The following SUSD4 variants were observed in gnomAD, a reference collection of about 807,000 sequenced individuals.
SUSD4 encodes sushi domain containing 4.
In SUSD4, 41 loss-of-function variants were observed where a neutral mutation model predicts 50.5. The ratio of observed to expected loss-of-function variants is 0.81; its 90% CI spans 0.63 to 1.05. The LOEUF (loss-of-function observed/expected upper bound fraction) is 1.05, where lower values mean the gene tolerates loss of function less well. Among genes scored for constraint, SUSD4 ranks in the 50% least tolerant of loss-of-function variants. SUSD4 has a pLI of 0.00. For synonymous variants in SUSD4, 257 were observed against 257.3 expected, an observed-to-expected ratio of 1.00 and a Z score of 0.01; for missense variants, 580 against 634.7, an observed-to-expected ratio of 0.91 and a Z score of 0.93.
Position 223,317,000 on chromosome 1 carries a change from G to A in SUSD4, c.149-24349C>T, listed in dbSNP as rs548826638. Reference sequence around the variant, plus strand: ...TCAACCAGAGGTTAGGCTGATGGAAGTGTCAGAGGTATGTGAACCAGAGCA... The same window carrying A: ...TCAACCAGAGGTTAGGCTGATGGAAATGTCAGAGGTATGTGAACCAGAGCA... On this transcript the variant is annotated intron_variant, in intron 2 of 8. Transcript: ENST00000366878. Among the ~76,000 whole-genome samples, 3 of 152,292 alleles carry A rather than the reference G, an allele frequency of 2.0e-5. No individual in the cohort carries two copies. The South Asian group carries it at 6.2e-4, about 32-fold the overall frequency.
intron 2 of SUSD4, among the ~76,000 whole-genome samples, chr1:223,339,650 A>G (rs1667645671): frequency 6.6e-6 from 1 of 152,224 alleles, no homozygotes; most frequent in African/African-American, 2.4e-5. Context: ...TTTTAATGGT[A>G]TGATTTCTGT....
chr1:223,249,186 A>T (rs931631539), intron 5 of SUSD4, among the ~76,000 whole-genome samples: 3 of 152,100 alleles, frequency 2.0e-5, no homozygotes, highest in Admixed American at 1.3e-4. Flanking sequence ...TACAGTCAGG[A>T]CTCCTAAAGG....
At chr1:223,297,037 A>G (rs1478071694) in intron 2 of SUSD4, among the ~76,000 whole-genome samples, 1 of 152,248 alleles carries the variant, frequency 6.6e-6, no homozygotes, top group Non-Finnish European at 1.5e-5. Flanking sequence ...AGTGTCCCCA[A>G]AGCAAGGAAA....
rs1659124717 is a variant in SUSD4, at chr1:223,221,283, G to A, written c.*909C>T. On this transcript the variant is annotated 3_prime_UTR_variant, in exon 9 of 9. Transcript: ENST00000366878. ...TTCAATTTGGGGCTGGGGGAACAAT[G>A]ACAATTGTCAACTAGAGAGAGGCTC... The A allele has an allele frequency of 5.1e-6, 2 of 395,396 alleles. No homozygotes were observed. The highest frequency in any genetic ancestry group is 4.1e-5 in the African/African-American group (2 of 48,590). The allele number at this position is 395,396 out of a possible 1,614,324, so 24.5% of individuals were successfully genotyped here.
At chr1:223,256,957 C>T (rs1003052395) in intron 5 of SUSD4, among the ~76,000 whole-genome samples, 7 of 152,106 alleles carry the variant, frequency 4.6e-5, no homozygotes, top group Non-Finnish European at 1.0e-4. Flanking sequence ...TATAGGCTGG[C>T]GCCACACTTG....
In SUSD4 at chr1:223,227,702, G is replaced by T; in HGVS notation, c.953C>A (p.Thr318Asn). 6.2e-7 allele frequency: 1 copy of T among 1,613,308 alleles called. No individual in the cohort carries two copies. Among genetic ancestry groups the T allele is most frequent in the South Asian group, 1.1e-5 (1 of 90,786 alleles). Residue 318 changes from threonine to asparagine, a missense_variant, in exon 7 of 9, where the codon ACC becomes AAC. By Grantham distance (65) the Thr-to-Asn change is moderately conservative. Transcript: ENST00000366878. This position sits in a 1 kb window ranked among gnomAD's most constrained non-coding sequence, Gnocchi z 4.5. ...CGTGAACGCCACAATCTTCCACGTG[G>T]TCAGGAGGGTCTCATGGGTGCTGGG... ...TWPSTHETLLTTWKIVAFTAT... is the reference protein window; with the variant it reads ...TWPSTHETLLNTWKIVAFTAT...
At chr1:223,304,356 A>C (rs1356305211) in intron 2 of SUSD4, among the ~76,000 whole-genome samples, 1 of 152,194 alleles carries the variant, frequency 6.6e-6, no homozygotes, top group African/African-American at 2.4e-5. Context: ...TATTTACAAT[A>C]ATCAGAAGCA....
intron 3 of SUSD4, chr1:223,289,062 G>T (rs1350832406): frequency 1.0e-6 from 1 of 982,176 alleles, no homozygotes; most frequent in Admixed American, 6.1e-5. Context: ...AACTGAGTTG[G>T]TTTTGGAAAG....
intron 8 of SUSD4, 101 bp from the exon 9 acceptor site, chr1:223,222,321 G>C: frequency 8.0e-7 from 1 of 1,252,930 alleles, no homozygotes; most frequent in Non-Finnish European, 1.1e-6. Context: ...TCTCAAATCA[G>C]TGAGGAGAAG....
At chr1:223,312,274 T>A (rs1949441) in intron 2 of SUSD4, among the ~76,000 whole-genome samples, 2 of 152,008 alleles carry the variant, frequency 1.3e-5, no homozygotes, top group Non-Finnish European at 2.9e-5. Flanking sequence ...TAATTTTTTA[T>A]GGAGCCTACA....
intron 3 of SUSD4, among the ~76,000 whole-genome samples, chr1:223,287,292 GT>G (rs1664209522): frequency 6.6e-6 from 1 of 152,180 alleles, no homozygotes; most frequent in African/African-American, 2.4e-5. Context: ...GGCCAGGCTG[GT>G]CTCGAACTCC....
chr1:223,296,201 C>T (rs889680194), intron 2 of SUSD4, among the ~76,000 whole-genome samples: 4 of 152,088 alleles, frequency 2.6e-5, no homozygotes, highest in African/African-American at 7.2e-5. Context: ...ATGGAGAGGG[C>T]TACACAGACA....
chr1:223,240,632 A>T (rs2103021160), intron 5 of SUSD4, among the ~76,000 whole-genome samples: 1 of 152,090 alleles, frequency 6.6e-6, no homozygotes, highest in Non-Finnish European at 1.5e-5. Flanking sequence ...GATATCTAGC[A>T]TTTCTTTTTG....
At chr1:223,355,079 A>G (rs1471519687) in intron 2 of SUSD4, among the ~76,000 whole-genome samples, 1 of 144,658 alleles carries the variant, frequency 6.9e-6, no homozygotes, top group Non-Finnish European at 1.5e-5. Context: ...CACCCAGCTA[A>G]TTTTTTTTTT....
At chr1:223,265,338 G>A (rs1025227701) in intron 4 of SUSD4, among the ~76,000 whole-genome samples, 3 of 152,206 alleles carry the variant, frequency 2.0e-5, no homozygotes, top group Non-Finnish European at 4.4e-5. Context: ...CTGAGATGGT[G>A]GCCTTAAATT....
chr1:223,326,541 T>C (rs1258145375), intron 2 of SUSD4, among the ~76,000 whole-genome samples: 1 of 151,946 alleles, frequency 6.6e-6, no homozygotes, highest in African/African-American at 2.4e-5. Flanking sequence ...AAAGAAATAA[T>C]AACCAGAGTA....
rs760556680 is a variant in SUSD4 at position 223,223,261 on chromosome 1, C to T, written c.1432G>A (p.Asp478Asn). The change falls in exon 8 of 9, where the codon GAC (aspartate) becomes AAC (asparagine). Residue 478 changes from aspartate (D) to asparagine (N), a missense_variant. Physicochemically the swap from Asp to Asn is conservative, Grantham distance 23. Coordinates refer to ENST00000366878, the MANE Select transcript of SUSD4 (RefSeq NM_017982.4). ...EEVASTSPGIDIADEIPLMEE... is the reference protein window; with the variant it reads ...EEVASTSPGINIADEIPLMEE... ...GGCAAGCACTTACCATCTGCAATGT[C>T]GATGCCTGGGCTGGTGGATGCCACC... 26 of 1,541,970 alleles carry T rather than the reference C, an allele frequency of 1.7e-5. No homozygotes were observed. The highest frequency in any genetic ancestry group is 2.3e-5 in the East Asian group (1 of 44,394).
chr1:223,322,393 C>T (rs976068450), intron 2 of SUSD4, among the ~76,000 whole-genome samples: 12 of 152,136 alleles, frequency 7.9e-5, no homozygotes, highest in Non-Finnish European at 1.5e-4. Flanking sequence ...GAGTTCGTGT[C>T]CTATTTATCT....
chr1:223,339,941 C>A (rs1277463591), intron 2 of SUSD4, among the ~76,000 whole-genome samples: 1 of 152,184 alleles, frequency 6.6e-6, no homozygotes, highest in African/African-American at 2.4e-5. Flanking sequence ...GAAAAGGGGG[C>A]TCTCATTCCA....
Sources: gnomAD v4.1 joint callset for allele counts (sites outside exome capture counted in the v4.1 genomes callset) on GRCh38, gnomAD v4.1.1 for gene constraint, Gnocchi (gnomAD v3.1) non-coding constraint, MANE v1.5 for transcripts, NCBI Gene and HGNC (gene_info 2026-07-23, HGNC 2026-07-21) for gene names.